Variants in CAMTA2 observed in about 807,000 individuals in gnomAD.
CAMTA2 encodes calmodulin-binding transcription activator 2.
A neutral mutation model predicts 135.7 loss-of-function variants in CAMTA2; 56 were observed. The observed-to-expected ratio is 0.41, with a 90% CI of 0.33 to 0.52. The LOEUF (loss-of-function observed/expected upper bound fraction) is 0.52, where lower values mean the gene tolerates loss of function less well. CAMTA2 is among the 20% of genes least tolerant of loss of function. The pLI, the probability that CAMTA2 is intolerant of heterozygous loss-of-function variation, is 0.16. For missense variants in CAMTA2, 1,358 were observed against 1,553.4 expected (o/e 0.87, Z 2.11); for synonymous variants, 591 against 604.6 (o/e 0.98, Z 0.33).
rs201914974 is a variant in CAMTA2, at chr17:4,980,186, C to A, written c.1136G>T (p.Arg379Leu). ...APPSPAFDPDRFLNSPQRGQT... is the reference protein window; with the variant it reads ...APPSPAFDPDLFLNSPQRGQT... ...GCCCCTCTGGGGGCTGTTGAGAAAA[C>A]GATCAGGGTCAAAGGCAGGACTGGG... The change falls in exon 9 of 23, where the codon CGT becomes CTT. Residue 379 changes from arginine to leucine, a missense_variant. Physicochemically the swap from Arg to Leu is moderately radical, Grantham distance 102 (BLOSUM62 -2). This residue lies in a region of CAMTA2 where 1,077 missense variants were observed against 1,127.5 expected (regional missense o/e 0.96). Transcript: ENST00000348066. This position sits in a 1 kb window ranked among gnomAD's most constrained non-coding sequence, Gnocchi z 5.3. 7 of 1,574,934 alleles carry A rather than the reference C, an allele frequency of 4.4e-6. No homozygotes were observed. The highest frequency in any genetic ancestry group is 5.2e-6 in the Non-Finnish European group (6 of 1,160,492).
chr17:4,968,694 G>GC lies in CAMTA2; in HGVS notation c.*61dup. The GC allele has an allele frequency of 6.3e-7, 1 of 1,598,186 alleles. No individual in the cohort carries two copies. Among genetic ancestry groups the GC allele is most frequent in the Non-Finnish European group, 8.6e-7 (1 of 1,168,470 alleles). On this transcript the variant is annotated 3_prime_UTR_variant, in exon 23 of 23. Coordinates refer to ENST00000348066, the MANE Select transcript of CAMTA2 (RefSeq NM_015099.4). The stretch of plus-strand genomic sequence containing the variant: ...ACAGGGGCTCCCCCTGCCCCAGAAA[G>GC]CCCTCTCCCTGTTAAGACTGCACGA...
At position 4,980,566 on chromosome 17, in the gene CAMTA2, G is replaced by C; in HGVS notation, c.756C>G (p.Pro252=). The change falls in exon 9 of 23, where the codon CCC becomes CCG. Residue 252 remains proline, a synonymous_variant. Coordinates refer to ENST00000348066, the MANE Select transcript of CAMTA2 (RefSeq NM_015099.4). This position sits in a 1 kb window ranked among gnomAD's most constrained non-coding sequence, Gnocchi z 5.3. The part of the protein sequence containing the change: ...CSSTKHRIIS[P]KVEPRALTLT... ...GGGTTAAAGCTCGGGGCTCCACTTT[G>C]GGAGAGATGATGCGGTGTTTCGTGC... The C allele has an allele frequency of 6.2e-7, 1 of 1,614,044 alleles. No homozygotes were observed. The highest frequency in any genetic ancestry group is 8.5e-7 in the Non-Finnish European group (1 of 1,179,988).
chr17:4,979,954 G>A lies in CAMTA2; in HGVS notation c.1368C>T (p.His456=), dbSNP rs370912778. The change falls in exon 9 of 23, where the codon CAC becomes CAT. Residue 456 remains histidine, a synonymous_variant. Coordinates refer to ENST00000348066, the MANE Select transcript of CAMTA2 (RefSeq NM_015099.4). ...GTGAAGGTATGGGTGGGGCAGCCCC[G>A]TGACCCTTGAGCTCCTCCCCACTGT... The part of the protein sequence containing the change: ...DDDSGEELKG[H]GAAPPIPSPP... The A allele has an allele frequency of 1.3e-5, 21 of 1,613,070 alleles. No homozygotes were observed. The highest frequency in any genetic ancestry group is 4.0e-5 in the African/African-American group (3 of 74,890).
At chr17:4,982,627 G>C (rs1376895987) in intron 5 of CAMTA2, 130 bp downstream of exon 5, 1 of 1,005,344 alleles carries the variant, frequency 9.9e-7, no homozygotes. Flanking sequence ...CCCAAAGTGA[G>C]TGAGAAGGGA....
Position 4,980,331 on chromosome 17 carries a change from G to T in CAMTA2, c.991C>A (p.Leu331Met). 6.2e-7 allele frequency: 1 copy of T among 1,614,000 alleles called. No homozygotes were observed. The highest frequency in any genetic ancestry group is 8.5e-7 in the Non-Finnish European group (1 of 1,179,910). ...GGTAILLLTG[L>M]EQRAGGLTPT... ...GTCAAGCCTCCAGCCCGCTGCTCCAGTCCTGTCAGGAGGAGGATAGCAGTG... is the reference window on the plus strand; with the variant it reads ...GTCAAGCCTCCAGCCCGCTGCTCCATTCCTGTCAGGAGGAGGATAGCAGTG... The change falls in exon 9 of 23, where the codon CTG becomes ATG. Residue 331 changes from leucine to methionine, a missense_variant. Physicochemically the swap from Leu to Met is conservative, Grantham distance 15. Around this residue, in one of 4 missense-constraint regions of CAMTA2, gnomAD observed 1,077 missense variants for 1,127.5 expected, o/e 0.96. Coordinates refer to ENST00000348066, the MANE Select transcript of CAMTA2 (RefSeq NM_015099.4). The surrounding 1 kb of genome is among the most constrained non-coding windows in gnomAD (Gnocchi z 5.3).
chr17:4,974,717 C>A, intron 11 of CAMTA2: 1 of 492,742 alleles, frequency 2.0e-6, no homozygotes, highest in Non-Finnish European at 3.7e-6. Flanking sequence ...ATCTAGAACC[C>A]AGATCTGGAA....
At chr17:4,972,145 C>G in intron 16 of CAMTA2, 87 bp downstream of exon 16, 2 of 1,194,342 alleles carry the variant, frequency 1.7e-6, no homozygotes, top group Non-Finnish European at 2.4e-6. Context: ...TAAACTGAAG[C>G]CAGACTTTGA....
rs1597793501 is a variant in CAMTA2, at chr17:4,987,633, A to C, written c.-105T>G. 1 of 1,523,572 alleles carries C rather than the reference A, an allele frequency of 6.6e-7. No homozygotes were observed. Among genetic ancestry groups the C allele is most frequent in the Non-Finnish European group, 8.8e-7 (1 of 1,141,158 alleles). 94.4% of individuals were successfully genotyped at this position (1,523,572 alleles called of 1,614,324 possible). On this transcript the variant is annotated 5_prime_UTR_variant, in exon 1 of 23. Transcript: ENST00000348066. ...GGGTGACGGCGGCAGCGGCCATTCT[A>C]CCCCACACCGACCCCCCCCAGCGCC...
rs1357826310 is a variant in CAMTA2, at chr17:4,972,260, T to A, written c.2780A>T (p.Asp927Val). 2.5e-6 allele frequency: 4 copies of A among 1,613,858 alleles called. No homozygotes were observed. In the African/African-American group the frequency reaches 4.0e-5, roughly 16 times the overall value. ...SDDGAAPEDA[D>V]SPQAVDVIPV... ...GATCACATCCACAGCCTGTGGGCTG[T>A]CAGCGTCCTCTGGAGCAGCCCCATC... The change falls in exon 16 of 23, where the codon GAC becomes GTC. Residue 927 changes from aspartate (D) to valine (V), a missense_variant. Physicochemically the swap from Asp to Val is radical, Grantham distance 152. Coordinates refer to ENST00000348066, the MANE Select transcript of CAMTA2 (RefSeq NM_015099.4).
At chr17:4,977,278 T>C (rs1972673490) in intron 10 of CAMTA2, 86 bp from the exon 11 acceptor site, 9 of 1,523,688 alleles carry the variant, frequency 5.9e-6, no homozygotes, top group Non-Finnish European at 8.0e-6. Context: ...AATTATTCCA[T>C]AGTTATTTCC....
chr17:4,984,614 G>A (rs1183020932), intron 3 of CAMTA2, among the ~76,000 whole-genome samples: 2 of 152,176 alleles, frequency 1.3e-5, no homozygotes, highest in Non-Finnish European at 2.9e-5. Context: ...ACATCAAATT[G>A]ATAAATATCA....
chr17:4,968,072 G>A lies in CAMTA2; in HGVS notation c.*684C>T, dbSNP rs1268236271. ...GTAGAAAGTGCCCGTGGAGCCGGCAGGAGGCCCCCGCCGCGCTAGAGAACC... is the reference window on the plus strand; with the variant it reads ...GTAGAAAGTGCCCGTGGAGCCGGCAAGAGGCCCCCGCCGCGCTAGAGAACC... On this transcript the variant is annotated 3_prime_UTR_variant, in exon 23 of 23. Coordinates refer to ENST00000348066, the MANE Select transcript of CAMTA2 (RefSeq NM_015099.4). The A allele has an allele frequency of 5.9e-6, 3 of 510,072 alleles. No individual in the cohort carries two copies. Among genetic ancestry groups the A allele is most frequent in the East Asian group, 3.4e-5 (1 of 29,712 alleles). The allele number at this position is 510,072 out of a possible 1,614,324, so 31.6% of individuals were successfully genotyped here.
At chr17:4,974,598 G>C (rs1972506594) in intron 11 of CAMTA2, 98 bp from the exon 12 acceptor site, 1 of 742,630 alleles carries the variant, frequency 1.3e-6, no homozygotes, top group Non-Finnish European at 2.4e-6. Context: ...TGAGGACACA[G>C]AACCATATTC....
chr17:4,983,064 A>T, intron 3 of CAMTA2, 21 bp from the exon 4 acceptor site: 1 of 1,605,572 alleles, frequency 6.2e-7, no homozygotes. Flanking sequence ...GGAGGCACTC[A>T]GCTGGGCATC....
At chr17:4,972,627 C>T (rs890541962) in intron 15 of CAMTA2, 91 bp from the exon 16 acceptor site, 132 of 1,477,472 alleles carry the variant, frequency 8.9e-5, no homozygotes, top group Non-Finnish European at 1.2e-4. Flanking sequence ...TCTCGGTCCC[C>T]GTCTGTTCTT....
At position 4,986,187 on chromosome 17, in the gene CAMTA2, C is replaced by T. The variant is rs746187727; in HGVS notation, c.31+5G>A. On this transcript the variant is annotated splice_donor_5th_base_variant and intron_variant, in intron 2 of 22. Transcript: ENST00000348066. ...CCACATTGGGAACCTGGTTTGTGAA[C>T]TTACCAGCAACCTCGGTGGTGTCCT... 1 of 1,585,388 alleles carries T rather than the reference C, an allele frequency of 6.3e-7. No individual in the cohort carries two copies. Among genetic ancestry groups the T allele is most frequent in the South Asian group, 1.1e-5 (1 of 90,530 alleles).
At chr17:4,979,567 C>A in intron 9 of CAMTA2, 117 bp downstream of exon 9, 1 of 633,296 alleles carries the variant, frequency 1.6e-6, no homozygotes. Context: ...GCCTAAGAAG[C>A]CATGAAAACT....
intron 12 of CAMTA2, chr17:4,973,970 C>G (rs975774374): frequency 1.7e-6 from 1 of 582,514 alleles, no homozygotes; most frequent in African/African-American, 1.9e-5. Flanking sequence ...AGCCAGACCT[C>G]ACACAATCTT....
chr17:4,985,654 C>G (rs545080585), intron 3 of CAMTA2, among the ~76,000 whole-genome samples: 1 of 152,158 alleles, frequency 6.6e-6, no homozygotes, highest in South Asian at 2.1e-4. Context: ...GAACTCCTGA[C>G]CTCAGATGAT....
Sources: gnomAD v4.1 joint callset for allele counts (sites outside exome capture counted in the v4.1 genomes callset) on GRCh38, gnomAD v4.1.1 for gene constraint, gnomAD v4.1.1 regional missense constraint, Gnocchi (gnomAD v3.1) non-coding constraint, MANE v1.5 for transcripts, NCBI Gene and HGNC (gene_info 2026-07-23, HGNC 2026-07-21) for gene names.